Variants in KDM7A observed in about 807,000 individuals in gnomAD.
KDM7A encodes lysine demethylase 7A.
Under a neutral mutation model 114.8 loss-of-function variants are expected in KDM7A, and 28 were observed. That is an observed-to-expected ratio of 0.24 (90% CI 0.18 to 0.33). The LOEUF is 0.33. KDM7A is among the 10% of genes least tolerant of loss of function. KDM7A has a pLI of 1.00. For missense variants in KDM7A, 942 were observed against 1,142.5 expected (o/e 0.82, Z 2.53); for synonymous variants, 423 against 397.8 (o/e 1.06, Z -0.75).
intron 12 of KDM7A, among the ~76,000 whole-genome samples, chr7:140,101,493 T>C (rs532059798): frequency 6.6e-6 from 1 of 152,334 alleles, no homozygotes; most frequent in South Asian, 2.1e-4. Flanking sequence ...CTGACCACCT[T>C]AGCTAAAGCA....
At chr7:140,167,095 C>T (rs1394875308) in intron 1 of KDM7A, among the ~76,000 whole-genome samples, 2 of 151,768 alleles carry the variant, frequency 1.3e-5, no homozygotes, top group Non-Finnish European at 1.5e-5. Context: ...CTGAAAGACA[C>T]AAAAGTAGAT....
Position 140,088,739 on chromosome 7 carries a change from T to C in KDM7A, c.*2355A>G. ...CCACTTATTAAGGGGCTAAAACTAC[T>C]AAAAATGAATCCACAGTACCTTCAC... On this transcript the variant is annotated 3_prime_UTR_variant, in exon 20 of 20. Transcript: ENST00000397560. 2.6e-6 allele frequency: 1 copy of C among 381,412 alleles called. No individual in the cohort carries two copies. Among genetic ancestry groups the C allele is most frequent in the East Asian group, 3.7e-5 (1 of 26,794 alleles). The allele number at this position is 381,412 out of a possible 1,614,324, so 23.6% of individuals were successfully genotyped here. A position where few individuals can be genotyped will look rare whatever the true frequency, so the allele number is the denominator to read the frequency against.
At chr7:140,125,027 G>T (rs1479230370) in intron 6 of KDM7A, among the ~76,000 whole-genome samples, 1 of 152,166 alleles carries the variant, frequency 6.6e-6, no homozygotes, top group African/African-American at 2.4e-5. Context: ...AGAAATAGCT[G>T]CAAGACAGGA....
At chr7:140,094,869 TG>T (rs1481810784) in intron 17 of KDM7A, 1 of 152,272 alleles carries the variant, frequency 6.6e-6, no homozygotes, top group Non-Finnish European at 1.5e-5. Context: ...TCTTTTGAGA[TG>T]GAATTTCCCT....
intron 17 of KDM7A, chr7:140,094,666 C>G (rs904616517): frequency 6.5e-6 from 1 of 153,272 alleles, no homozygotes; most frequent in African/African-American, 2.4e-5. Flanking sequence ...TCTTTTGATT[C>G]TCTCAAAGAC....
chr7:140,102,370 CTTGA>C (rs1818244901), intron 11 of KDM7A, among the ~76,000 whole-genome samples: 1 of 150,768 alleles, frequency 6.6e-6, no homozygotes, highest in African/African-American at 2.5e-5. Context: ...AACATACTTC[CTTGA>C]TTTTTTTTTT....
chr7:140,095,936 C>T (rs1303511512), intron 17 of KDM7A, among the ~76,000 whole-genome samples: 1 of 151,824 alleles, frequency 6.6e-6, no homozygotes, highest in Non-Finnish European at 1.5e-5. Flanking sequence ...ATGTCAAGCT[C>T]CTGGTATACA....
chr7:140,092,229 C>CAT (rs57604240), intron 18 of KDM7A, 152 bp from the exon 19 acceptor site: 35,427 of 680,002 alleles, frequency 0.052, 1,168 homozygotes, highest in East Asian at 0.12. Flanking sequence ...ACCACTCCTG[C>CAT]ATGATGTCGT....
intron 1 of KDM7A, among the ~76,000 whole-genome samples, chr7:140,160,361 C>G (rs1794504974): frequency 6.6e-6 from 1 of 152,120 alleles, no homozygotes. Flanking sequence ...TACTTGAAGT[C>G]CTAAGAAGCT....
chr7:140,111,523 T>C (rs567225555), intron 10 of KDM7A, among the ~76,000 whole-genome samples: 2 of 152,368 alleles, frequency 1.3e-5, no homozygotes, highest in African/African-American at 4.8e-5. Context: ...TAACATTTAA[T>C]TCATAATGCA....
rs777450742 is a variant in KDM7A at position 140,096,904 on chromosome 7, A to G, written c.2160T>C (p.Ile720=). Residue 720 remains isoleucine (I), a synonymous_variant, in exon 16 of 20, where the codon ATT becomes ATC. Transcript: ENST00000397560. ...ACTACTATCAGCAAGCCTACCTTTTAATTGGAATTTCACTTCTAGATGGCT... is the reference window on the plus strand; with the variant it reads ...ACTACTATCAGCAAGCCTACCTTTTGATTGGAATTTCACTTCTAGATGGCT... ...SQKPSRSEIP[I]KRECPTSTST... The G allele has an allele frequency of 3.1e-6, 5 of 1,613,696 alleles. No individual in the cohort carries two copies. The highest frequency in any genetic ancestry group is 1.6e-4 in the Middle Eastern group (1 of 6,062).
chr7:140,096,749 G>A lies in KDM7A; in HGVS notation c.2180C>T (p.Ser727Leu), dbSNP rs1006358003. Reference protein sequence around the residue: ...EIPIKRECPTSTSTEEEAIQG... With the variant: ...EIPIKRECPTLTSTEEEAIQG... ...AATAGCTTCTTCCTCTGTGCTCGTC[G>A]AGGTAGGACATTCCCTAAAGAAGAG... Residue 727 changes from serine to leucine, a missense_variant, in exon 17 of 20, where the codon TCG becomes TTG. This residue lies in a region of KDM7A where 512 missense variants were observed against 576.6 expected (regional missense o/e 0.89). Transcript: ENST00000397560. The A allele has an allele frequency of 8.1e-6, 13 of 1,613,766 alleles. No individual in the cohort carries two copies. Among genetic ancestry groups the A allele is most frequent in the South Asian group, 1.1e-5 (1 of 91,068 alleles).
chr7:140,120,512 G>T lies in KDM7A; in HGVS notation c.1069C>A (p.Leu357Ile), dbSNP rs1288161990. 6.2e-7 allele frequency: 1 copy of T among 1,609,500 alleles called. No homozygotes were observed. Among genetic ancestry groups the T allele is most frequent in the South Asian group, 1.1e-5 (1 of 90,966 alleles). ...FVPTGWIHAV[L>I]TSQDCMAFGG... ...AAAGCCATACAGTCCTGAGAAGTGA[G>T]CACAGCATGGATCCACCCTAAAATG... The change falls in exon 8 of 20, where the codon CTC becomes ATC. Residue 357 changes from leucine (L) to isoleucine (I), a missense_variant. Transcript: ENST00000397560.
In KDM7A at chr7:140,122,569, C is replaced by G. The variant is rs142673101; in HGVS notation, c.1052-2040G>C. Among the ~76,000 whole-genome samples, 9 of 152,314 alleles carry G rather than the reference C, an allele frequency of 5.9e-5. No individual in the cohort carries two copies. In the East Asian group the frequency reaches 1.7e-3, roughly 29 times the overall value. ...GTTATTATATACACCAGAGGCAAGG[C>G]TTTCAGCAGGACCTGCAGGGACAGA... On this transcript the variant is annotated intron_variant, in intron 7 of 19. Transcript: ENST00000397560.
intron 2 of KDM7A, among the ~76,000 whole-genome samples, chr7:140,136,611 A>C (rs1818874844): frequency 6.6e-6 from 1 of 152,214 alleles, no homozygotes; most frequent in South Asian, 2.1e-4. Context: ...TAAGAGGGTA[A>C]AGTCTAAATT....
In KDM7A at chr7:140,087,336, C is replaced by T. The variant is rs555924917; in HGVS notation, c.*3758G>A. 2 of 152,194 alleles carry T rather than the reference C, an allele frequency of 1.3e-5. No individual in the cohort carries two copies. The highest frequency in any genetic ancestry group is 6.5e-5 in the Admixed American group (1 of 15,284). 9.4% of individuals were successfully genotyped at this position (152,194 alleles called of 1,614,324 possible). A position where few individuals can be genotyped will look rare whatever the true frequency, so the allele number is the denominator to read the frequency against. On this transcript the variant is annotated 3_prime_UTR_variant, in exon 20 of 20. Coordinates refer to ENST00000397560, the MANE Select transcript of KDM7A (RefSeq NM_030647.2). ...TCATCTTAACGTACTTGAGGATACA[C>T]ATTCTCACTCTCTTATCCATAAACA...
Position 140,126,700 on chromosome 7 carries a change from T to A in KDM7A, c.825A>T (p.Gln275His). ...FVQKYCLMGV[Q>H]DSYTDFHIDF... ...CAATGTGGAAATCTGTATAGCTGTC[T>A]TGAACTCCCATTAAGCAATATTTCT... is the stretch of plus-strand genomic sequence containing the variant. The change falls in exon 6 of 20, where the codon CAA becomes CAT. Residue 275 changes from glutamine (Q) to histidine (H), a missense_variant. Physicochemically the swap from Gln to His is conservative, Grantham distance 24. This residue lies in a region of KDM7A where 318 missense variants were observed against 453.1 expected (regional missense o/e 0.70). Coordinates refer to ENST00000397560, the MANE Select transcript of KDM7A (RefSeq NM_030647.2). The A allele has an allele frequency of 6.2e-7, 1 of 1,613,918 alleles. No homozygotes were observed. Among genetic ancestry groups the A allele is most frequent in the African/African-American group, 1.3e-5 (1 of 75,036 alleles).
chr7:140,099,339 C>T (rs1323941803), intron 13 of KDM7A, among the ~76,000 whole-genome samples: 1 of 152,128 alleles, frequency 6.6e-6, no homozygotes, highest in African/African-American at 2.4e-5. Context: ...GGACTACAGG[C>T]ATGGCCACCA....
At chr7:140,163,227 C>A (rs765214558) in intron 1 of KDM7A, among the ~76,000 whole-genome samples, 3 of 152,060 alleles carry the variant, frequency 2.0e-5, no homozygotes, top group Non-Finnish European at 4.4e-5. Flanking sequence ...ATCTCCTGAC[C>A]TCATGATCCA....
Sources: allele counts gnomAD v4.1 joint callset (sites outside exome capture counted in the v4.1 genomes callset), GRCh38; gene constraint gnomAD v4.1.1; regional missense constraint gnomAD v4.1.1; transcripts MANE v1.5; gene names NCBI Gene and HGNC (gene_info 2026-07-23, HGNC 2026-07-21).